The following DTNB variants were observed in gnomAD, a reference collection of about 807,000 sequenced individuals.
The protein encoded by DTNB is DTN-B.
A neutral mutation model predicts 90.7 loss-of-function variants in DTNB; 63 were observed. That is an observed-to-expected ratio of 0.69 (90% CI 0.57 to 0.86). The LOEUF (loss-of-function observed/expected upper bound fraction) is 0.86. Ranked by LOEUF, DTNB falls within the 40% of genes least tolerant of loss-of-function variation. The pLI is 0.00. For synonymous variants in DTNB, 277 were observed against 286.7 expected (o/e 0.97, Z 0.34); for missense variants, 744 against 807.1 (o/e 0.92, Z 0.95).
chr2:25,454,149 CAAAAAAAAAA>C (rs55676356), intron 11 of DTNB, among the ~76,000 whole-genome samples: 11 of 99,368 alleles, frequency 1.1e-4, no homozygotes, highest in Non-Finnish European at 1.9e-4. Context: ...GACTCTGTCT[CAAAAAAAAAA>C]AAAAAGAAAA....
intron 12 of DTNB, among the ~76,000 whole-genome samples, chr2:25,442,458 G>A (rs758691115): frequency 2.0e-5 from 3 of 152,158 alleles, no homozygotes; most frequent in Non-Finnish European, 2.9e-5. Context: ...GTCTGGAACT[G>A]GGCTTAGGCA....
Position 25,386,179 on chromosome 2 carries a change from C to G in DTNB, c.1825+1110G>C, listed in dbSNP as rs57988624. The G allele has an allele frequency of 3.3e-6, 3 of 914,434 alleles. No individual in the cohort carries two copies. The African/African-American group carries it at 5.4e-5, about 16-fold the overall frequency. The allele number at this position is 914,434 out of a possible 1,614,324, so 56.6% of individuals were successfully genotyped here. A position where few individuals can be genotyped will look rare whatever the true frequency, so the allele number is the denominator to read the frequency against. On this transcript the variant is annotated intron_variant, in intron 18 of 20. Transcript: ENST00000406818. ...GTCTGACCTTAACTGACTGGAAAGA[C>G]GAAGCTGGGCTATACACTCACTTTG...
chr2:25,566,399 A>G (rs1471976671), intron 8 of DTNB, among the ~76,000 whole-genome samples: 1 of 152,246 alleles, frequency 6.6e-6, no homozygotes, highest in African/African-American at 2.4e-5. Flanking sequence ...CCTGGAGTAG[A>G]CAGCCTGGAC....
chr2:25,531,362 A>C, intron 9 of DTNB, 111 bp downstream of exon 9: 1 of 1,469,164 alleles, frequency 6.8e-7, no homozygotes, highest in Non-Finnish European at 9.0e-7. Flanking sequence ...AGAAAGTAAA[A>C]ACCTGAGAAG....
At chr2:25,381,403 A>G (rs1340148261) in intron 19 of DTNB, among the ~76,000 whole-genome samples, 3 of 152,118 alleles carry the variant, frequency 2.0e-5, no homozygotes, top group African/African-American at 7.2e-5. Flanking sequence ...TTTTTTAGAT[A>G]GGGCTTTGCT....
At chr2:25,525,284 C>T (rs141970506) in intron 9 of DTNB, among the ~76,000 whole-genome samples, 2 of 151,972 alleles carry the variant, frequency 1.3e-5, no homozygotes, top group African/African-American at 2.4e-5. Context: ...AAAAGGAAAG[C>T]GTGATTAGAT....
At chr2:25,384,388 C>T (rs576048649) in intron 18 of DTNB, among the ~76,000 whole-genome samples, 35 of 152,242 alleles carry the variant, frequency 2.3e-4, no homozygotes, top group Admixed American at 1.3e-3. Flanking sequence ...GTGCTAATGC[C>T]GTCTAAGGTG....
intron 16 of DTNB, among the ~76,000 whole-genome samples, chr2:25,412,817 A>C (rs1345372226): frequency 1.3e-5 from 2 of 152,216 alleles, no homozygotes; most frequent in Non-Finnish European, 2.9e-5. Context: ...ATGAACTTGT[A>C]CATCTGAACT....
chr2:25,483,283 G>T (rs775740633), intron 9 of DTNB, among the ~76,000 whole-genome samples: 5 of 152,152 alleles, frequency 3.3e-5, no homozygotes, highest in Admixed American at 6.5e-5. Context: ...TACATTTTAC[G>T]TACAAGATTA....
At chr2:25,541,609 G>C (rs977492071) in intron 8 of DTNB, among the ~76,000 whole-genome samples, 1 of 152,156 alleles carries the variant, frequency 6.6e-6, no homozygotes, top group Non-Finnish European at 1.5e-5. Flanking sequence ...CATAGAGCCG[G>C]AAGTATTTGA....
intron 9 of DTNB, among the ~76,000 whole-genome samples, chr2:25,500,447 CCAACTA>C (rs2070295843): frequency 6.6e-6 from 1 of 152,120 alleles, no homozygotes; most frequent in Admixed American, 6.6e-5. Context: ...ACACATCAGG[CCAACTA>C]CGCTGTTCAA....
chr2:25,666,173 AG>A (rs1213706607), intron 1 of DTNB, among the ~76,000 whole-genome samples: 1 of 152,212 alleles, frequency 6.6e-6, no homozygotes, highest in African/African-American at 2.4e-5. Flanking sequence ...AAAGGTTGTG[AG>A]GTTTTTTGTT....
chr2:25,529,683 A>G (rs1332775966), intron 9 of DTNB, among the ~76,000 whole-genome samples: 1 of 152,320 alleles, frequency 6.6e-6, no homozygotes, highest in South Asian at 2.1e-4. Context: ...TCGGTAATCA[A>G]TGGTAGGTAA....
At chr2:25,665,240 G>A (rs1006644052) in intron 1 of DTNB, among the ~76,000 whole-genome samples, 24 of 152,100 alleles carry the variant, frequency 1.6e-4, no homozygotes, top group African/African-American at 5.6e-4. Context: ...TCTCAGCTAC[G>A]TCAAAGCATC....
At chr2:25,592,721 A>G (rs2063797266) in intron 6 of DTNB, among the ~76,000 whole-genome samples, 1 of 152,244 alleles carries the variant, frequency 6.6e-6, no homozygotes. Flanking sequence ...TCAAAATGCT[A>G]TAATGGAAAG....
chr2:25,414,558 T>C (rs975007384), intron 16 of DTNB, among the ~76,000 whole-genome samples: 18 of 152,200 alleles, frequency 1.2e-4, no homozygotes, highest in Non-Finnish European at 1.9e-4. Flanking sequence ...CTGGCCCAGA[T>C]TCTTTTTGAT....
intron 8 of DTNB, among the ~76,000 whole-genome samples, chr2:25,574,181 C>T (rs2060310222): frequency 6.6e-6 from 1 of 152,200 alleles, no homozygotes; most frequent in South Asian, 2.1e-4. Context: ...TGCTGACAAG[C>T]TCCAGCAGTC....
In DTNB at chr2:25,673,543, G is replaced by A. The variant is rs989159741; in HGVS notation, c.-159C>T. On this transcript the variant is annotated 5_prime_UTR_variant, in exon 1 of 21. Coordinates refer to ENST00000406818, the MANE Select transcript of DTNB (RefSeq NM_021907.5). ...GGCGAACGTTCGCAGCGCCCGGCTCGCGCCGCTTCTCCGCCCGGCACGCGC... is the reference window on the plus strand; with the variant it reads ...GGCGAACGTTCGCAGCGCCCGGCTCACGCCGCTTCTCCGCCCGGCACGCGC... 2.7e-5 allele frequency: 4 copies of A among 148,656 alleles called. No individual in the cohort carries two copies. The highest frequency in any genetic ancestry group is 9.7e-5 in the African/African-American group (4 of 41,082). 9.2% of individuals were successfully genotyped at this position (148,656 alleles called of 1,614,324 possible).
chr2:25,481,210 C>G (rs1209123499), intron 10 of DTNB, among the ~76,000 whole-genome samples: 1 of 150,902 alleles, frequency 6.6e-6, no homozygotes, highest in Non-Finnish European at 1.5e-5. Flanking sequence ...CCAGCTTGGC[C>G]AACATGGTGA....
Sources: allele counts gnomAD v4.1 joint callset (sites outside exome capture counted in the v4.1 genomes callset), GRCh38; gene constraint gnomAD v4.1.1; transcripts MANE v1.5; gene names NCBI Gene and HGNC (gene_info 2026-07-23, HGNC 2026-07-21).